The following TTLL11 variants were observed in gnomAD, a reference collection of about 807,000 sequenced individuals.
TTLL11 encodes tubulin tyrosine ligase like 11, also known as tubulin polyglutamylase TTLL11.
In TTLL11, 42 loss-of-function variants were observed where a neutral mutation model predicts 51.7. That is an observed-to-expected ratio of 0.81 (90% CI 0.64 to 1.05). The LOEUF is 1.05. TTLL11 is among the 50% of genes least tolerant of loss of function. The probability of loss-of-function intolerance (pLI) is 0.00; values close to 1 mark genes in which losing one functional copy is unlikely to be tolerated. For missense variants in TTLL11, 799 were observed against 940.4 expected (o/e 0.85, Z 1.97); for synonymous variants, 381 against 383.5 (o/e 0.99, Z 0.08).
At chr9:122,006,265 C>T (rs1289012547) in intron 3 of TTLL11, among the ~76,000 whole-genome samples, 4 of 151,582 alleles carry the variant, frequency 2.6e-5, no homozygotes, top group Admixed American at 2.6e-4. Flanking sequence ...TGCTTGATCC[C>T]AGGAGGCAGA....
Position 122,092,927 on chromosome 9 carries a change from C to G in TTLL11, c.222G>C (p.Glu74Asp), listed in dbSNP as rs1331414749. The change falls in exon 1 of 9, where the codon GAG becomes GAC. Residue 74 changes from glutamate to aspartate, a missense_variant. Physicochemically the swap from Glu to Asp is conservative, Grantham distance 45 (BLOSUM62 2). Transcript: ENST00000321582. ...APAPAQPSAA[E>D]EGNTQVLQRP... The stretch of plus-strand genomic sequence containing the variant: ...GCTGAAGGACCTGGGTGTTCCCCTC[C>G]TCAGCCGCACTGGGCTGCGCCGGGG... 11 of 1,580,918 alleles carry G rather than the reference C, an allele frequency of 7.0e-6. No individual in the cohort carries two copies. In the African/African-American group the frequency reaches 1.5e-4, roughly 21 times the overall value.
At chr9:122,018,403 C>G (rs1005308909) in intron 3 of TTLL11, among the ~76,000 whole-genome samples, 5 of 152,134 alleles carry the variant, frequency 3.3e-5, no homozygotes, top group African/African-American at 1.2e-4. Flanking sequence ...TGAGCCACCG[C>G]GCCCGGCCAG....
intron 3 of TTLL11, among the ~76,000 whole-genome samples, chr9:122,029,570 AT>A (rs955600861): frequency 3.9e-5 from 6 of 152,112 alleles, no homozygotes; most frequent in Admixed American, 6.6e-5. Flanking sequence ...ATATAAGGAA[AT>A]TTTTTTTGTA....
chr9:121,919,929 C>G (rs1342455591), intron 6 of TTLL11, among the ~76,000 whole-genome samples: 4 of 150,760 alleles, frequency 2.7e-5, no homozygotes, highest in African/African-American at 9.8e-5. Context: ...ATAGCTAACA[C>G]TTTAATACTG....
At chr9:121,888,066 C>T (rs1038450609) in intron 6 of TTLL11, among the ~76,000 whole-genome samples, 14 of 152,190 alleles carry the variant, frequency 9.2e-5, no homozygotes, top group African/African-American at 3.4e-4. Context: ...GGCCCAGGTC[C>T]CCTCTCCAGT....
At chr9:121,988,014 G>A (rs1327335563) in intron 4 of TTLL11, among the ~76,000 whole-genome samples, 1 of 151,770 alleles carries the variant, frequency 6.6e-6, no homozygotes, top group Non-Finnish European at 1.5e-5. Flanking sequence ...GTCCTCTTCC[G>A]GGGCCTCCAT....
chr9:121,858,039 C>A (rs1837881485), intron 8 of TTLL11, among the ~76,000 whole-genome samples: 1 of 152,176 alleles, frequency 6.6e-6, no homozygotes, highest in Non-Finnish European at 1.5e-5. Flanking sequence ...AAGGTGTCAG[C>A]AGAAAGTGCC....
intron 8 of TTLL11, among the ~76,000 whole-genome samples, chr9:121,847,631 A>C (rs1837555919): frequency 1.3e-5 from 2 of 152,238 alleles, no homozygotes; most frequent in Non-Finnish European, 2.9e-5. Context: ...ATAGGCCTTT[A>C]TCTATTAAAG....
chr9:122,031,944 C>T, intron 2 of TTLL11, 88 bp from the exon 3 acceptor site: 1 of 1,497,238 alleles, frequency 6.7e-7, no homozygotes, highest in Non-Finnish European at 9.0e-7. Context: ...AAACCACCCA[C>T]CCGACATATT....
At chr9:122,057,322 CTTTTTTT>C (rs58226814) in intron 1 of TTLL11, among the ~76,000 whole-genome samples, 2 of 128,174 alleles carry the variant, frequency 1.6e-5, no homozygotes, top group South Asian at 4.9e-4. Context: ...AGCTCAAATC[CTTTTTTT>C]TTTTTTTTTT....
chr9:122,078,805 C>T (rs966566497), intron 1 of TTLL11, among the ~76,000 whole-genome samples: 57 of 151,384 alleles, frequency 3.8e-4, no homozygotes, highest in African/African-American at 1.3e-3. Flanking sequence ...CTCATGCTTA[C>T]ACCCACCAAG....
rs570989307 is a variant in TTLL11 at position 121,904,568 on chromosome 9, A to G, written c.1482-33820T>C. ...GCCTTGAGCCAGTCCAGGCCCAACAATCGCCTTTGCCCTGGTGGTGTTCCT... is the reference window on the plus strand; with the variant it reads ...GCCTTGAGCCAGTCCAGGCCCAACAGTCGCCTTTGCCCTGGTGGTGTTCCT... On this transcript the variant is annotated intron_variant, in intron 6 of 8. Transcript: ENST00000321582. Among the ~76,000 whole-genome samples the G allele has an allele frequency of 1.3e-3, 199 of 152,350 alleles. 1 individual carries two copies. Among genetic ancestry groups the G allele is most frequent in the African/African-American group, 4.5e-3 (188 of 41,588 alleles).
At chr9:121,901,602 C>G (rs1465913279) in intron 6 of TTLL11, among the ~76,000 whole-genome samples, 3 of 152,042 alleles carry the variant, frequency 2.0e-5, no homozygotes, top group African/African-American at 7.2e-5. Flanking sequence ...TTTCCCTCCC[C>G]CGAGAACCAA....
In TTLL11 at chr9:121,816,732, TAA is replaced by T. The variant is rs1836424485; in HGVS notation, c.*5853_*5854del. 6.6e-6 allele frequency: 1 copy of T among 152,230 alleles called. No individual in the cohort carries two copies. The highest frequency in any genetic ancestry group is 1.5e-5 in the Non-Finnish European group (1 of 68,052). 9.4% of individuals were successfully genotyped at this position (152,230 alleles called of 1,614,324 possible). A position where few individuals can be genotyped will look rare whatever the true frequency, so the allele number is the denominator to read the frequency against. ...GTGCATGCATGCGCGCGTGTGTGTA[TAA>T]GCATTATGCTGCGTGGTTTTTCCAG... On this transcript the variant is annotated 3_prime_UTR_variant, in exon 9 of 9. Transcript: ENST00000321582.
At chr9:121,895,716 T>C (rs1839466082) in intron 6 of TTLL11, among the ~76,000 whole-genome samples, 1 of 146,772 alleles carries the variant, frequency 6.8e-6, no homozygotes. Context: ...TTTGTGTGAC[T>C]GTGTGTGATT....
rs150324696 is a variant in TTLL11 at position 121,842,942 on chromosome 9, T to C, written c.1840+17395A>G. Among the ~76,000 whole-genome samples the C allele has an allele frequency of 5.3e-4, 81 of 152,328 alleles. 2 individuals carry two copies. In the East Asian group the frequency reaches 0.013, roughly 24 times the overall value. ...CTCTGAGCCTTAGCTTTCTTCTCTG[T>C]AACCTGGAGTACAGAGCTTAAATCT... On this transcript the variant is annotated intron_variant, in intron 8 of 8. Transcript: ENST00000321582.
In TTLL11 at chr9:122,039,340, T is replaced by A; in HGVS notation, c.491A>T (p.Asp164Val). 1 of 1,614,006 alleles carries A rather than the reference T, an allele frequency of 6.2e-7. No individual in the cohort carries two copies. The highest frequency in any genetic ancestry group is 8.5e-7 in the Non-Finnish European group (1 of 1,179,922). The change falls in exon 2 of 9, where the codon GAC (aspartate) becomes GTC (valine). Residue 164 changes from aspartate (D) to valine (V), a missense_variant. By Grantham distance (152) the Asp-to-Val change is radical (BLOSUM62 -3). Coordinates refer to ENST00000321582, the MANE Select transcript of TTLL11 (RefSeq NM_001139442.2). ...EFPFGRRLPCDIYWHGVSFHD... is the reference protein window; with the variant it reads ...EFPFGRRLPCVIYWHGVSFHD... ...AAATGAAACTCCATGCCAGTAGATG[T>A]CACAAGGCAAGCGCCGGCCAAATGG...
intron 3 of TTLL11, among the ~76,000 whole-genome samples, chr9:122,009,322 TTAAA>T (rs1486691342): frequency 1.3e-5 from 2 of 152,248 alleles, no homozygotes; most frequent in Admixed American, 6.5e-5. Flanking sequence ...TATTTGCCAA[TTAAA>T]TATTTATTTT....
intron 1 of TTLL11, among the ~76,000 whole-genome samples, chr9:122,045,114 A>G (rs939560740): frequency 2.6e-5 from 4 of 152,040 alleles, no homozygotes; most frequent in Admixed American, 2.0e-4. Context: ...AAAAAAGAAA[A>G]AAAATCACAG....
Sources: allele counts gnomAD v4.1 joint callset (sites outside exome capture counted in the v4.1 genomes callset), GRCh38; gene constraint gnomAD v4.1.1; transcripts MANE v1.5; gene names NCBI Gene and HGNC (gene_info 2026-07-23, HGNC 2026-07-21).